SDK1: variants seen among roughly 807,000 people sequenced by gnomAD.
SDK1 encodes sidekick cell adhesion molecule 1.
In SDK1, 157 loss-of-function variants were observed where a neutral mutation model predicts 245.5. That is an observed-to-expected ratio of 0.64 (90% CI 0.56 to 0.73). The LOEUF is 0.73. Ranked by LOEUF, SDK1 falls within the 30% of genes least tolerant of loss-of-function variation. The pLI is 0.00. For synonymous variants in SDK1, 1,647 were observed against 1,278.5 expected, an observed-to-expected ratio of 1.29 and a Z score of -6.15; for missense variants, 3,583 against 3,002.3, an observed-to-expected ratio of 1.19 and a Z score of -4.52.
chr7:3,684,113 C>G (rs767984588), intron 4 of SDK1, among the ~76,000 whole-genome samples: 1 of 152,196 alleles, frequency 6.6e-6, no homozygotes, highest in African/African-American at 2.4e-5. Context: ...CCTCCATTCC[C>G]TGCTCAGCAG....
intron 4 of SDK1, among the ~76,000 whole-genome samples, chr7:3,807,926 C>T (rs1359777170): frequency 6.6e-6 from 1 of 152,168 alleles, no homozygotes; most frequent in Non-Finnish European, 1.5e-5. Context: ...TTTAATATCT[C>T]GTTTAATTCT....
Position 4,108,938 on chromosome 7 carries a change from G to T in SDK1, c.3325-1725G>T, listed in dbSNP as rs189733591. On this transcript the variant is annotated intron_variant, in intron 22 of 44. Transcript: ENST00000404826. ...GGAATCGTGCGGTGCATGGACCTTG[G>T]GTCAGGCTTGCTTAGCTTTCCATCA... is the stretch of plus-strand genomic sequence containing the variant. Among the ~76,000 whole-genome samples, 13 of 152,262 alleles carry T rather than the reference G, an allele frequency of 8.5e-5. No individual in the cohort carries two copies. In the East Asian group the frequency reaches 2.5e-3, roughly 29 times the overall value.
At chr7:3,457,985 A>G (rs1192205240) in intron 1 of SDK1, among the ~76,000 whole-genome samples, 1 of 152,046 alleles carries the variant, frequency 6.6e-6, no homozygotes, top group Non-Finnish European at 1.5e-5. Flanking sequence ...TTGGTTGAAA[A>G]CCATTTTCCT....
At chr7:3,680,200 C>A (rs1355230621) in intron 4 of SDK1, among the ~76,000 whole-genome samples, 2 of 152,148 alleles carry the variant, frequency 1.3e-5, no homozygotes, top group Non-Finnish European at 2.9e-5. Context: ...TCTCAAAAGG[C>A]TTTAGACTGT....
chr7:4,240,065 A>C (rs1409175713), intron 42 of SDK1, among the ~76,000 whole-genome samples: 2 of 152,220 alleles, frequency 1.3e-5, no homozygotes, highest in Non-Finnish European at 2.9e-5. Flanking sequence ...ACTTCTAACA[A>C]GTGTTCGTAA....
intron 41 of SDK1, among the ~76,000 whole-genome samples, chr7:4,236,667 G>A (rs891764182): frequency 3.3e-5 from 5 of 152,054 alleles, no homozygotes; most frequent in African/African-American, 1.2e-4. Flanking sequence ...AGGATTTTAG[G>A]GGGGACAACT....
chr7:3,598,859 C>G (rs879466895), intron 1 of SDK1, among the ~76,000 whole-genome samples: 1 of 133,902 alleles, frequency 7.5e-6, no homozygotes, highest in East Asian at 2.3e-4. Flanking sequence ...ATACCATTCA[C>G]CTTTTGAAGG....
At position 3,778,743 on chromosome 7, in the gene SDK1, C is replaced by T. The variant is rs141650124; in HGVS notation, c.714-42707C>T. Among the ~76,000 whole-genome samples, 453 of 152,274 alleles carry T rather than the reference C, an allele frequency of 3.0e-3. 4 individuals carry two copies. Among genetic ancestry groups the T allele is most frequent in the African/African-American group, 9.9e-3 (411 of 41,546 alleles). The stretch of plus-strand genomic sequence containing the variant: ...CGGAATGGCTGACTTTAAACATAAG[C>T]TTAAACAAAATGATGAGTTCATAAT... On this transcript the variant is annotated intron_variant, in intron 4 of 44. Transcript: ENST00000404826.
intron 19 of SDK1, among the ~76,000 whole-genome samples, chr7:4,063,597 C>CAAA (rs35423286): frequency 0.014 from 1,790 of 125,138 alleles, 56 homozygotes; most frequent in African/African-American, 0.048. Context: ...ACAGAAATAG[C>CAAA]AAAAAAAAAA....
chr7:3,445,539 A>G (rs1448226397), intron 1 of SDK1, among the ~76,000 whole-genome samples: 1 of 152,194 alleles, frequency 6.6e-6, no homozygotes, highest in Non-Finnish European at 1.5e-5. Context: ...AGGACTTGCA[A>G]AGATAGTACA....
chr7:3,392,097 A>T (rs1583789322), intron 1 of SDK1, among the ~76,000 whole-genome samples: 1 of 152,148 alleles, frequency 6.6e-6, no homozygotes, highest in East Asian at 1.9e-4. Context: ...TATTATAAAG[A>T]TGCCCATCAT....
At chr7:3,856,658 G>A (rs1780554736) in intron 5 of SDK1, among the ~76,000 whole-genome samples, 1 of 151,944 alleles carries the variant, frequency 6.6e-6, no homozygotes, top group South Asian at 2.1e-4. Flanking sequence ...AGGCATGGTG[G>A]CGGGCACCTG....
At chr7:3,717,596 T>TG (rs1220338552) in intron 4 of SDK1, among the ~76,000 whole-genome samples, 1 of 152,198 alleles carries the variant, frequency 6.6e-6, no homozygotes, top group Non-Finnish European at 1.5e-5. Context: ...CCTATCACTA[T>TG]GGTTACTGTA....
At chr7:4,189,155 C>T (rs1387985785) in intron 35 of SDK1, among the ~76,000 whole-genome samples, 2 of 152,178 alleles carry the variant, frequency 1.3e-5, no homozygotes, top group African/African-American at 2.4e-5. Flanking sequence ...TCTATTCATG[C>T]TTGCTCCCGG....
chr7:3,758,549 C>G (rs1377323639), intron 4 of SDK1, among the ~76,000 whole-genome samples: 2 of 152,198 alleles, frequency 1.3e-5, no homozygotes, highest in African/African-American at 2.4e-5. Context: ...ATTTGTAGGT[C>G]AAATGGCTCC....
At chr7:3,450,634 G>C (rs1780485671) in intron 1 of SDK1, among the ~76,000 whole-genome samples, 1 of 152,180 alleles carries the variant, frequency 6.6e-6, no homozygotes. Context: ...AGACTTAAAT[G>C]TTTGGAGGCT....
At chr7:3,936,510 G>C (rs977225840) in intron 5 of SDK1, among the ~76,000 whole-genome samples, 16 of 151,732 alleles carry the variant, frequency 1.1e-4, no homozygotes, top group African/African-American at 2.7e-4. Context: ...ACGTGAACCC[G>C]TGAGGTGGAG....
At chr7:3,488,231 G>C (rs1007131665) in intron 1 of SDK1, among the ~76,000 whole-genome samples, 32 of 151,070 alleles carry the variant, frequency 2.1e-4, no homozygotes, top group African/African-American at 7.5e-4. Context: ...ATTTTATGCT[G>C]TGTCTTTTCC....
At chr7:3,818,147 A>C (rs778325325) in intron 4 of SDK1, among the ~76,000 whole-genome samples, 2 of 152,194 alleles carry the variant, frequency 1.3e-5, no homozygotes, top group Non-Finnish European at 2.9e-5. Flanking sequence ...TTCATTTTTA[A>C]ATGTACAAAG....
Sources: allele counts gnomAD v4.1 joint callset (sites outside exome capture counted in the v4.1 genomes callset), GRCh38; gene constraint gnomAD v4.1.1; transcripts MANE v1.5; gene names NCBI Gene and HGNC (gene_info 2026-07-23, HGNC 2026-07-21).